The following TNIK variants were observed in gnomAD, a reference collection of about 807,000 sequenced individuals.
The protein encoded by TNIK is TRAF2 and NCK-interacting protein kinase.
A neutral mutation model predicts 191.3 loss-of-function variants in TNIK; 49 were observed. The observed-to-expected ratio is 0.26, with a 90% CI of 0.20 to 0.32. TNIK has a LOEUF of 0.32. Among genes scored for constraint, TNIK ranks in the 10% least tolerant of loss-of-function variants. TNIK has a pLI of 1.00. For synonymous variants in TNIK, 594 were observed against 600.9 expected (o/e 0.99, Z 0.17); for missense variants, 1,155 against 1,702.3 (o/e 0.68, Z 5.66).
chr3:171,442,229 AT>A (rs1166427133), intron 1 of TNIK, among the ~76,000 whole-genome samples: 1 of 152,178 alleles, frequency 6.6e-6, no homozygotes, highest in East Asian at 1.9e-4. Context: ...ACAGGGGATT[AT>A]TTTTTTAAAT....
At chr3:171,247,974 G>A (rs929767707) in intron 2 of TNIK, among the ~76,000 whole-genome samples, 7 of 152,262 alleles carry the variant, frequency 4.6e-5, no homozygotes, top group African/African-American at 7.2e-5. Flanking sequence ...CTGAGGTCTC[G>A]CTGAAGATGA....
intron 19 of TNIK, 43 bp from the exon 20 acceptor site, chr3:171,108,205 A>G (rs765347175): frequency 6.9e-7 from 1 of 1,457,846 alleles, no homozygotes; most frequent in South Asian, 1.4e-5. Flanking sequence ...ATGGCCATCA[A>G]AAAGTGCTGG....
chr3:171,388,917 G>GT (rs1188211085), intron 1 of TNIK, among the ~76,000 whole-genome samples: 2 of 152,168 alleles, frequency 1.3e-5, no homozygotes, highest in Non-Finnish European at 2.9e-5. Context: ...GGTATCTCTA[G>GT]TTTTTTAACA....
chr3:171,358,694 A>G (rs1241305571), intron 2 of TNIK, among the ~76,000 whole-genome samples: 2 of 152,194 alleles, frequency 1.3e-5, no homozygotes, highest in Non-Finnish European at 2.9e-5. Flanking sequence ...CAAGGGCTTC[A>G]GCTGGTTTCA....
Position 171,084,198 on chromosome 3 carries a change from G to A in TNIK, c.3126C>T (p.Tyr1042=). ...GTATTTCTGAGTTGAATCGTTTCTT[G>A]TATTTTCTGATTTCTGGTGTGTCGC... ...PHSDTPEIRK[Y]KKRFNSEILC... The change falls in exon 26 of 33, where the codon TAC becomes TAT. Residue 1042 remains tyrosine (Y), a synonymous_variant. Transcript: ENST00000436636. 6.2e-7 allele frequency: 1 copy of A among 1,608,432 alleles called. No homozygotes were observed. The highest frequency in any genetic ancestry group is 8.5e-7 in the Non-Finnish European group (1 of 1,177,166).
intron 2 of TNIK, among the ~76,000 whole-genome samples, chr3:171,339,829 C>A (rs942502371): frequency 2.6e-5 from 4 of 152,216 alleles, no homozygotes; most frequent in African/African-American, 9.7e-5. Context: ...CTGGCAGCAC[C>A]TGCAAGGTGT....
chr3:171,396,272 G>T (rs992342302), intron 1 of TNIK, among the ~76,000 whole-genome samples: 1 of 152,156 alleles, frequency 6.6e-6, no homozygotes, highest in Non-Finnish European at 1.5e-5. Context: ...TCACATAGTA[G>T]CATATATCAT....
intron 1 of TNIK, among the ~76,000 whole-genome samples, chr3:171,371,689 G>C (rs915888412): frequency 1.3e-5 from 2 of 152,090 alleles, no homozygotes; most frequent in Non-Finnish European, 2.9e-5. Flanking sequence ...CCTCAGGATC[G>C]GGAAGAAAAA....
At chr3:171,341,796 C>T (rs761990575) in intron 2 of TNIK, among the ~76,000 whole-genome samples, 1 of 152,110 alleles carries the variant, frequency 6.6e-6, no homozygotes, top group Non-Finnish European at 1.5e-5. Context: ...ATAATCCATA[C>T]GTTCATTCCA....
intron 4 of TNIK, among the ~76,000 whole-genome samples, chr3:171,207,637 GAT>G (rs1167763917): frequency 1.3e-5 from 2 of 152,142 alleles, no homozygotes; most frequent in Non-Finnish European, 2.9e-5. Flanking sequence ...TGAGCTGGAG[GAT>G]AATAGCTATC....
chr3:171,413,564 T>C (rs1722669458), intron 1 of TNIK, among the ~76,000 whole-genome samples: 1 of 152,230 alleles, frequency 6.6e-6, no homozygotes, highest in South Asian at 2.1e-4. Context: ...GTTAAGACCC[T>C]GCTAAAGGAC....
Position 171,087,441 on chromosome 3 carries a change from G to A in TNIK, c.2787C>T (p.Leu929=). 2.5e-6 allele frequency: 4 copies of A among 1,613,966 alleles called. No homozygotes were observed. The highest frequency in any genetic ancestry group is 3.4e-6 in the Non-Finnish European group (4 of 1,179,880). The part of the protein sequence containing the change: ...DSNGFAGHIN[L]PDLVQQSHSP... ...AATGGCTCTGCTGCACCAGGTCAGG[G>A]AGGTTGATGTGGCCAGCAAAGCCAT... is the stretch of plus-strand genomic sequence containing the variant. The change falls in exon 24 of 33, where the codon CTC becomes CTT. Residue 929 remains leucine, a synonymous_variant. Coordinates refer to ENST00000436636, the MANE Select transcript of TNIK (RefSeq NM_015028.4).
At chr3:171,085,485 C>T (rs1721233217) in intron 24 of TNIK, among the ~76,000 whole-genome samples, 1 of 152,102 alleles carries the variant, frequency 6.6e-6, no homozygotes, top group African/African-American at 2.4e-5. Context: ...CATTTTGGAC[C>T]ACATGTGGCA....
chr3:171,346,539 C>A (rs1046790937), intron 2 of TNIK, among the ~76,000 whole-genome samples: 3 of 152,074 alleles, frequency 2.0e-5, no homozygotes, highest in African/African-American at 7.2e-5. Flanking sequence ...AAGTCTCTGG[C>A]CTCATGGAGC....
chr3:171,442,822 G>GGGC (rs1726985366), intron 1 of TNIK, among the ~76,000 whole-genome samples: 1 of 152,052 alleles, frequency 6.6e-6, no homozygotes, highest in Non-Finnish European at 1.5e-5. Flanking sequence ...AAGAAATACT[G>GGGC]TTCCTCTTCC....
intron 21 of TNIK, chr3:171,106,700 A>G (rs909824047): frequency 5.6e-6 from 3 of 534,352 alleles, no homozygotes; most frequent in Middle Eastern, 3.2e-4. Context: ...TTCATTAACT[A>G]AAGCTGATGT....
chr3:171,158,737 A>G (rs1469719635), intron 11 of TNIK, among the ~76,000 whole-genome samples: 1 of 152,232 alleles, frequency 6.6e-6, no homozygotes, highest in African/African-American at 2.4e-5. Context: ...TCAGGTATTA[A>G]TAGGCTCTAT....
intron 2 of TNIK, among the ~76,000 whole-genome samples, chr3:171,249,285 A>G (rs1314197893): frequency 6.6e-6 from 1 of 152,226 alleles, no homozygotes; most frequent in Non-Finnish European, 1.5e-5. Flanking sequence ...AGGATGATTT[A>G]GGAAGATAAA....
At chr3:171,229,115 C>T (rs1467656797) in intron 2 of TNIK, among the ~76,000 whole-genome samples, 1 of 152,204 alleles carries the variant, frequency 6.6e-6, no homozygotes, top group African/African-American at 2.4e-5. Context: ...TCAGTTTCCT[C>T]ATCTCAAAAA....
Sources: gnomAD v4.1 joint callset for allele counts (sites outside exome capture counted in the v4.1 genomes callset) on GRCh38, gnomAD v4.1.1 for gene constraint, MANE v1.5 for transcripts, NCBI Gene and HGNC (gene_info 2026-07-23, HGNC 2026-07-21) for gene names.